FLOT2: variants seen among roughly 807,000 people sequenced by gnomAD.
FLOT2 encodes the protein flotillin-2.
Under a neutral mutation model 54.9 loss-of-function variants are expected in FLOT2, and 35 were observed. The observed-to-expected ratio is 0.64, with a 90% confidence interval of 0.49 to 0.84. The LOEUF (loss-of-function observed/expected upper bound fraction) is 0.84, where lower values mean the gene tolerates loss of function less well. Ranked by LOEUF, FLOT2 falls within the 40% of genes least tolerant of loss-of-function variation. FLOT2 has a pLI of 0.00. For missense variants in FLOT2, 464 were observed against 572.1 expected (o/e 0.81, Z 1.93); for synonymous variants, 207 against 228.9 (o/e 0.90, Z 0.86).
intron 1 of FLOT2, 88 bp from the exon 2 acceptor site, chr17:28,889,114 C>G: frequency 9.4e-7 from 1 of 1,060,242 alleles, no homozygotes; most frequent in Non-Finnish European, 1.4e-6. Flanking sequence ...TGTCCTTTAC[C>G]TGCTCTGATA....
At chr17:28,885,804 A>G in intron 2 of FLOT2, 1 of 1,240,418 alleles carries the variant, frequency 8.1e-7, no homozygotes, top group South Asian at 1.3e-5. Context: ...CAGGCCCCGC[A>G]GGGCAGGAAG....
At chr17:28,885,952 G>A in intron 2 of FLOT2, 1 of 1,542,274 alleles carries the variant, frequency 6.5e-7, no homozygotes. Context: ...GACAGTCTGA[G>A]GAGCAGCCAG....
intron 1 of FLOT2, among the ~76,000 whole-genome samples, chr17:28,895,078 A>AT (rs759106657): frequency 2.2e-3 from 316 of 142,110 alleles, no homozygotes; most frequent in African/African-American, 4.9e-3. Context: ...CTCCTGGCTA[A>AT]TTTTTTTTTT....
In FLOT2 at chr17:28,882,601, C is replaced by T. The variant is rs1384026385; in HGVS notation, c.437G>A (p.Gly146Asp). Residue 146 changes from glycine (G) to aspartate (D), a missense_variant, in exon 5 of 11, where the codon GGC becomes GAC. Coordinates refer to ENST00000394908, the MANE Select transcript of FLOT2 (RefSeq NM_004475.3). This position sits in a 1 kb window ranked among gnomAD's most constrained non-coding sequence, Gnocchi z 5.6. Reference protein sequence around the residue: ...EVAAPDVGRMGIEILSFTIKD... With the variant: ...EVAAPDVGRMDIEILSFTIKD... ...GATGGTGAAGCTGAGGATCTCAATGCCCATGCGGCCAACATCAGGGGCTGC... is the reference window on the plus strand; with the variant it reads ...GATGGTGAAGCTGAGGATCTCAATGTCCATGCGGCCAACATCAGGGGCTGC... 1 of 1,613,026 alleles carries T rather than the reference C, an allele frequency of 6.2e-7. No individual in the cohort carries two copies.
intron 1 of FLOT2, among the ~76,000 whole-genome samples, chr17:28,896,982 A>G (rs1456400403): frequency 6.6e-6 from 1 of 152,246 alleles, no homozygotes; most frequent in Non-Finnish European, 1.5e-5. Flanking sequence ...CCCAACCTGT[A>G]GAGGCCGCAT....
Position 28,883,220 on chromosome 17 carries a change from C to T in FLOT2, c.234G>A (p.Met78Ile). ...CCACGGCCAGGAGTTCCTTCTCCGT[C>T]ATGATCTTCACCTGTCAGTGACGAC... is the stretch of plus-strand genomic sequence containing the variant. Reference protein sequence around the residue: ...TVTGVAQVKIMTEKELLAVAC... With the variant: ...TVTGVAQVKIITEKELLAVAC... The change falls in exon 4 of 11, where the codon ATG becomes ATA. Residue 78 changes from methionine to isoleucine, a missense_variant. By Grantham distance (10) the Met-to-Ile change is conservative. Transcript: ENST00000394908. The surrounding 1 kb of genome is among the most constrained non-coding windows in gnomAD (Gnocchi z 5.0). 1 of 1,614,088 alleles carries T rather than the reference C, an allele frequency of 6.2e-7. No homozygotes were observed. The highest frequency in any genetic ancestry group is 1.1e-5 in the South Asian group (1 of 91,074).
intron 2 of FLOT2, among the ~76,000 whole-genome samples, chr17:28,886,334 C>G (rs944094941): frequency 2.0e-5 from 3 of 152,206 alleles, no homozygotes; most frequent in African/African-American, 7.2e-5. Context: ...GAGGCTTAGC[C>G]CCCCGTCTTC....
rs775545959 is a variant in FLOT2 at position 28,882,791 on chromosome 17, C to T, written c.347-100G>A. 7.0e-5 allele frequency: 56 copies of T among 795,824 alleles called. No homozygotes were observed. The highest frequency in any genetic ancestry group is 1.1e-4 in the Non-Finnish European group (54 of 470,934). 49.3% of individuals were successfully genotyped at this position (795,824 alleles called of 1,614,324 possible). The stretch of plus-strand genomic sequence containing the variant: ...AGGTAGGGGTGCATGCGGGGTGCTG[C>T]ACTCTGAGCTGGGTCTTCCTGGGGT... On this transcript the variant is annotated intron_variant, in intron 4 of 10. Transcript: ENST00000394908. This position sits in a 1 kb window ranked among gnomAD's most constrained non-coding sequence, Gnocchi z 5.6.
intron 1 of FLOT2, among the ~76,000 whole-genome samples, chr17:28,894,621 T>TC (rs2039711047): frequency 7.5e-6 from 1 of 133,852 alleles, no homozygotes; most frequent in Admixed American, 7.3e-5. Flanking sequence ...AAGACCTTTT[T>TC]TTTTTTTTTT....
At chr17:28,890,859 C>CTTTT (rs397836967) in intron 1 of FLOT2, among the ~76,000 whole-genome samples, 1 of 35,776 alleles carries the variant, frequency 2.8e-5, no homozygotes, top group Non-Finnish European at 1.1e-4. Flanking sequence ...GTTATCATTT[C>CTTTT]TTCTTTTTTT....
intron 1 of FLOT2, among the ~76,000 whole-genome samples, chr17:28,894,592 C>T (rs891699902): frequency 4.1e-5 from 6 of 148,008 alleles, no homozygotes; most frequent in African/African-American, 1.2e-4. Context: ...CCACTGCACT[C>T]CAGCCTGGGC....
rs949676521 is a variant in FLOT2, at chr17:28,882,776, G to A, written c.347-85C>T. On this transcript the variant is annotated intron_variant, in intron 4 of 10. Coordinates refer to ENST00000394908, the MANE Select transcript of FLOT2 (RefSeq NM_004475.3). This position sits in a 1 kb window ranked among gnomAD's most constrained non-coding sequence, Gnocchi z 5.6. ...GAGGCATGCATGTAGAGGTAGGGGT[G>A]CATGCGGGGTGCTGCACTCTGAGCT... is the stretch of plus-strand genomic sequence containing the variant. 1.0e-5 allele frequency: 9 copies of A among 891,744 alleles called. No homozygotes were observed. Among genetic ancestry groups the A allele is most frequent in the Admixed American group, 7.8e-5 (4 of 51,552 alleles). The allele number at this position is 891,744 out of a possible 1,614,324, so 55.2% of individuals were successfully genotyped here.
Position 28,882,006 on chromosome 17 carries a change from T to C in FLOT2, c.722A>G (p.Tyr241Cys), listed in dbSNP as rs1205893385. Residue 241 changes from tyrosine to cysteine, a missense_variant, in exon 8 of 11, where the codon TAT becomes TGT. Transcript: ENST00000394908. This position sits in a 1 kb window ranked among gnomAD's most constrained non-coding sequence, Gnocchi z 5.6. ...CTGTTCACGGGCCCCCTGCAGCTCA[T>C]AGGCCAACTGGGCCTCAGCTGTCTG... ...NIKTAEAQLAYELQGAREQQK... is the reference protein window; with the variant it reads ...NIKTAEAQLACELQGAREQQK... The C allele has an allele frequency of 6.2e-7, 1 of 1,614,170 alleles. No individual in the cohort carries two copies. Among genetic ancestry groups the C allele is most frequent in the Non-Finnish European group, 8.5e-7 (1 of 1,180,032 alleles).
rs1305517749 is a variant in FLOT2 at position 28,882,199 on chromosome 17, G to C, written c.618C>G (p.Phe206Leu). 1.2e-6 allele frequency: 2 copies of C among 1,614,070 alleles called. No individual in the cohort carries two copies. Among genetic ancestry groups the C allele is most frequent in the African/African-American group, 2.7e-5 (2 of 74,924 alleles). Reference sequence around the variant, plus strand: ...AGTCAGCAATCTTGGTGTCTGCCATGAACTTCACATCCAGCATCTCCTTCT... The same window carrying C: ...AGTCAGCAATCTTGGTGTCTGCCATCAACTTCACATCCAGCATCTCCTTCT... ...ECKKEMLDVK[F>L]MADTKIADSK... Residue 206 changes from phenylalanine (F) to leucine (L), a missense_variant, in exon 7 of 11, where the codon TTC (phenylalanine) becomes TTG (leucine). Physicochemically the swap from Phe to Leu is conservative, Grantham distance 22. Transcript: ENST00000394908. This position sits in a 1 kb window ranked among gnomAD's most constrained non-coding sequence, Gnocchi z 5.6.
At chr17:28,886,195 C>T (rs2039543837) in intron 2 of FLOT2, among the ~76,000 whole-genome samples, 1 of 152,236 alleles carries the variant, frequency 6.6e-6, no homozygotes, top group Non-Finnish European at 1.5e-5. Flanking sequence ...TAGTGAGGAC[C>T]TGCTAGGCTG....
At position 28,883,050 on chromosome 17, in the gene FLOT2, C is replaced by T. The variant is rs997461318; in HGVS notation, c.346+58G>A. The T allele has an allele frequency of 4.4e-6, 7 of 1,595,014 alleles. No homozygotes were observed. Among genetic ancestry groups the T allele is most frequent in the Non-Finnish European group, 6.0e-6 (7 of 1,165,130 alleles). On this transcript the variant is annotated intron_variant, in intron 4 of 10. Coordinates refer to ENST00000394908, the MANE Select transcript of FLOT2 (RefSeq NM_004475.3). The surrounding 1 kb of genome is among the most constrained non-coding windows in gnomAD (Gnocchi z 5.0). Reference sequence around the variant, plus strand: ...AGGCCCCCTGCCCAGCCCTGCACACCTCCCTGCCTTGGCTTAGGGGCCCCG... The same window carrying T: ...AGGCCCCCTGCCCAGCCCTGCACACTTCCCTGCCTTGGCTTAGGGGCCCCG...
Position 28,879,549 on chromosome 17 carries a change from G to A in FLOT2, c.*1012C>T. 1.0e-6 allele frequency: 1 copy of A among 985,994 alleles called. No homozygotes were observed. Among genetic ancestry groups the A allele is most frequent in the Non-Finnish European group, 1.2e-6 (1 of 830,106 alleles). The allele number at this position is 985,994 out of a possible 1,614,324, so 61.1% of individuals were successfully genotyped here. On this transcript the variant is annotated 3_prime_UTR_variant, in exon 11 of 11. Transcript: ENST00000394908. ...GCTCTTCTGCCTCCATTGGAGCAAGGAGACAGAGGATTGGGTTGCTTCCCC... is the reference window on the plus strand; with the variant it reads ...GCTCTTCTGCCTCCATTGGAGCAAGAAGACAGAGGATTGGGTTGCTTCCCC...
chr17:28,880,706 C>T lies in FLOT2; in HGVS notation c.1248+7G>A. ...GGCAACCCCACCGCAGCTAGGCAGG[C>T]ACATACCTTAGACAGGTCCACGCCT... On this transcript the variant is annotated splice_region_variant and intron_variant, in intron 10 of 10. Coordinates refer to ENST00000394908, the MANE Select transcript of FLOT2 (RefSeq NM_004475.3). 6.2e-7 allele frequency: 1 copy of T among 1,614,184 alleles called. No individual in the cohort carries two copies. Among genetic ancestry groups the T allele is most frequent in the African/African-American group, 1.3e-5 (1 of 75,062 alleles).
intron 2 of FLOT2, chr17:28,886,038 C>G (rs1455593737): frequency 6.1e-6 from 4 of 655,648 alleles, no homozygotes; most frequent in Non-Finnish European, 1.1e-5. Context: ...AGACAAGCAC[C>G]GATGCCTGAC....
Sources: gnomAD v4.1 joint callset for allele counts (sites outside exome capture counted in the v4.1 genomes callset) on GRCh38, gnomAD v4.1.1 for gene constraint, Gnocchi (gnomAD v3.1) non-coding constraint, MANE v1.5 for transcripts, NCBI Gene and HGNC (gene_info 2026-07-23, HGNC 2026-07-21) for gene names.